The following PAM variants were observed in gnomAD, a reference collection of about 807,000 sequenced individuals.
PAM encodes peptidylglycine alpha-amidating monooxygenase.
PAM carries 72 observed loss-of-function variants against 122.1 expected under a neutral mutation model. The observed-to-expected ratio is 0.59, with a 90% CI of 0.49 to 0.72. PAM has a LOEUF of 0.72. Ranked by LOEUF, PAM falls within the 30% of genes least tolerant of loss-of-function variation. The pLI, the probability that PAM is intolerant of heterozygous loss-of-function variation, is 0.00. For missense variants in PAM, 1,106 were observed against 1,183.7 expected, an observed-to-expected ratio of 0.93 and a Z score of 0.96; for synonymous variants, 389 against 404.4, an observed-to-expected ratio of 0.96 and a Z score of 0.46.
intron 12 of PAM, among the ~76,000 whole-genome samples, chr5:102,959,508 G>T (rs1295306914): frequency 6.6e-6 from 1 of 152,092 alleles, no homozygotes; most frequent in Non-Finnish European, 1.5e-5. Context: ...TTTTCCACGA[G>T]AACAATAACT....
upstream of PAM, chr5:102,755,188 C>G (rs919373494): frequency 6.6e-6 from 1 of 152,498 alleles, no homozygotes; most frequent in Non-Finnish European, 1.5e-5. Context: ...CCCGGCTGGG[C>G]CCGGCGCACG....
intron 1 of PAM, among the ~76,000 whole-genome samples, chr5:102,835,100 GTAA>G (rs969153745): frequency 4.6e-5 from 7 of 151,888 alleles, no homozygotes; most frequent in South Asian, 4.2e-4. Flanking sequence ...GTCATTACTG[GTAA>G]TAATAATAAT....
At chr5:102,836,022 G>A (rs1194702223) in intron 1 of PAM, among the ~76,000 whole-genome samples, 2 of 152,052 alleles carry the variant, frequency 1.3e-5, no homozygotes, top group African/African-American at 2.4e-5. Context: ...TTGCGTTCTC[G>A]AATTGCCATT....
intron 1 of PAM, chr5:102,838,682 G>A (rs1030334825): frequency 1.3e-5 from 2 of 152,086 alleles, no homozygotes; most frequent in Non-Finnish European, 2.9e-5. Flanking sequence ...ATGAGTTTCT[G>A]TTCATGAGCA....
intron 22 of PAM, 59 bp from the exon 23 acceptor site, chr5:103,019,730 AT>A: frequency 8.9e-7 from 1 of 1,128,868 alleles, no homozygotes; most frequent in Non-Finnish European, 1.3e-6. Flanking sequence ...TCAAAGTTAA[AT>A]TTTCAAATGT....
intron 15 of PAM, among the ~76,000 whole-genome samples, chr5:102,989,172 T>G (rs1007220075): frequency 2.0e-5 from 3 of 152,180 alleles, no homozygotes; most frequent in Non-Finnish European, 2.9e-5. Context: ...ATATATACAT[T>G]GTACCCCTTT....
chr5:102,994,062 A>C (rs1239399787), intron 16 of PAM, among the ~76,000 whole-genome samples: 2 of 152,130 alleles, frequency 1.3e-5, no homozygotes, highest in Non-Finnish European at 2.9e-5. Flanking sequence ...GTAAGGTTTC[A>C]TTATCACAAA....
rs116723077 is a variant in PAM, at chr5:103,024,256, C to T, written c.2486-875C>T. On this transcript the variant is annotated intron_variant, in intron 23 of 25. Transcript: ENST00000438793. ...CTTGTAGGGCAAGGATGTCTCAAGG[C>T]TCAACCTCATTTTCATATCATTAGT... Among the ~76,000 whole-genome samples the T allele has an allele frequency of 7.7e-3, 1,176 of 152,120 alleles. 22 individuals are homozygous for T. Among genetic ancestry groups the T allele is most frequent in the African/African-American group, 0.027 (1,120 of 41,510 alleles).
chr5:102,900,651 A>T (rs17154810), intron 3 of PAM, among the ~76,000 whole-genome samples: 7,574 of 151,676 alleles, frequency 0.05, 399 homozygotes, highest in East Asian at 0.18. Flanking sequence ...TGTATTGGGC[A>T]TATTATTAAC....
At position 103,029,442 on chromosome 5, in the gene PAM, C is replaced by G. The variant is rs770670759; in HGVS notation, c.*377C>G. The stretch of plus-strand genomic sequence containing the variant: ...TAGCACTTTCATTGCCAGTGTCTTT[C>G]TTTGGTGCCTTTCCTGTTCAGCATT... On this transcript the variant is annotated 3_prime_UTR_variant, in exon 26 of 26. Transcript: ENST00000438793. The G allele has an allele frequency of 1.3e-4, 21 of 160,076 alleles. No homozygotes were observed. Among genetic ancestry groups the G allele is most frequent in the Non-Finnish European group, 2.6e-4 (19 of 73,360 alleles). The allele number at this position is 160,076 out of a possible 1,614,324, so 9.9% of individuals were successfully genotyped here.
At chr5:102,808,556 T>A (rs1333221274) in intron 1 of PAM, among the ~76,000 whole-genome samples, 1 of 152,238 alleles carries the variant, frequency 6.6e-6, no homozygotes, top group Non-Finnish European at 1.5e-5. Flanking sequence ...TTGACAAGTG[T>A]CACAGGGCAA....
chr5:102,950,512 C>T (rs1174184844), intron 11 of PAM, among the ~76,000 whole-genome samples: 1 of 151,392 alleles, frequency 6.6e-6, no homozygotes, highest in Admixed American at 6.6e-5. Context: ...GCATGGGGTT[C>T]TGTGATATAT....
In PAM at chr5:102,795,189, C is replaced by CAA. The variant is rs33988105; in HGVS notation, c.-374+39863_-374+39864dup. Among the ~76,000 whole-genome samples, 194 of 59,426 alleles carry CAA rather than the reference C, an allele frequency of 3.3e-3. 1 individual carries two copies. Among genetic ancestry groups the CAA allele is most frequent in the East Asian group, 6.0e-3 (9 of 1,506 alleles). The allele number at this position is 59,426 out of a possible 152,430, so 39.0% of individuals were successfully genotyped here. A position where few individuals can be genotyped will look rare whatever the true frequency, so the allele number is the denominator to read the frequency against. ...AGGGTGACAAAGTGAGACAATGTCT[C>CAA]AAAAAAAAAAAAAAAAAAAAAAAGA... On this transcript the variant is annotated intron_variant, in intron 1 of 25. Coordinates refer to ENST00000438793, the MANE Select transcript of PAM (RefSeq NM_001177306.2).
chr5:102,988,510 C>T (rs543730163), intron 15 of PAM, among the ~76,000 whole-genome samples: 4 of 151,908 alleles, frequency 2.6e-5, no homozygotes, highest in East Asian at 1.9e-4. Context: ...TATTCCTTTG[C>T]GTTCCCAGAT....
Position 102,859,512 on chromosome 5 carries a change from G to C in PAM, c.-373-6311G>C, listed in dbSNP as rs1419573568. Reference sequence around the variant, plus strand: ...TTTTTAAGCTAAATGTTATTGCAAAGGAGTTAAAAAGTTAAACAATTTTTA... The same window carrying C: ...TTTTTAAGCTAAATGTTATTGCAAACGAGTTAAAAAGTTAAACAATTTTTA... On this transcript the variant is annotated intron_variant, in intron 1 of 25. Coordinates refer to ENST00000438793, the MANE Select transcript of PAM (RefSeq NM_001177306.2). Among the ~76,000 whole-genome samples, 3 of 152,106 alleles carry C rather than the reference G, an allele frequency of 2.0e-5. No individual in the cohort carries two copies. The East Asian group carries it at 5.8e-4, about 29-fold the overall frequency.
chr5:102,967,967 C>G (rs755805980), intron 14 of PAM, among the ~76,000 whole-genome samples: 27 of 152,228 alleles, frequency 1.8e-4, no homozygotes, highest in Non-Finnish European at 3.8e-4. Flanking sequence ...AAGTGATAGG[C>G]CTGTCTTGGC....
intron 1 of PAM, among the ~76,000 whole-genome samples, chr5:102,770,952 G>T (rs1161168962): frequency 2.0e-5 from 3 of 151,950 alleles, no homozygotes; most frequent in African/African-American, 7.2e-5. Context: ...TGTGTCTCTA[G>T]GTTTTTCGTT....
intron 1 of PAM, among the ~76,000 whole-genome samples, chr5:102,856,177 T>C (rs17154786): frequency 0.11 from 17,240 of 151,984 alleles, 2,304 homozygotes; most frequent in African/African-American, 0.32. Flanking sequence ...TAAGGCAGAG[T>C]TCACAGAAGG....
chr5:102,780,917 CCTGTGCATTGGAGG>C (rs145981019), intron 1 of PAM, among the ~76,000 whole-genome samples: 104 of 149,980 alleles, frequency 6.9e-4, no homozygotes, highest in African/African-American at 2.4e-3. Flanking sequence ...TGGGGGCTGT[CCTGTGCATTGGAGG>C]CTGTTTAGCA....
Sources: gnomAD v4.1 joint callset for allele counts (sites outside exome capture counted in the v4.1 genomes callset) on GRCh38, gnomAD v4.1.1 for gene constraint, MANE v1.5 for transcripts, NCBI Gene and HGNC (gene_info 2026-07-23, HGNC 2026-07-21) for gene names.